The following RPAP1 variants were observed in gnomAD, a reference collection of about 807,000 sequenced individuals.
RPAP1 encodes RNA polymerase II-associated protein 1.
A neutral mutation model predicts 142.4 loss-of-function variants in RPAP1; 109 were observed. That is an observed-to-expected ratio of 0.77 (90% CI 0.66 to 0.90). The LOEUF (loss-of-function observed/expected upper bound fraction) is 0.90, where lower values mean the gene tolerates loss of function less well. RPAP1 is among the 40% of genes least tolerant of loss of function. RPAP1 has a pLI of 0.00. For synonymous variants in RPAP1, 704 were observed against 738.9 expected, an observed-to-expected ratio of 0.95 and a Z score of 0.77; for missense variants, 1,546 against 1,751.7, an observed-to-expected ratio of 0.88 and a Z score of 2.10.
rs2051843268 is a variant in RPAP1 at position 41,531,158 on chromosome 15, C to G, written c.808G>C (p.Glu270Gln). The G allele has an allele frequency of 3.1e-6, 5 of 1,613,758 alleles. No homozygotes were observed. The highest frequency in any genetic ancestry group is 1.7e-5 in the Admixed American group (1 of 60,008). The change falls in exon 7 of 25, where the codon GAG becomes CAG. Residue 270 changes from glutamate (E) to glutamine (Q), a missense_variant. Physicochemically the swap from Glu to Gln is conservative, Grantham distance 29. Coordinates refer to ENST00000304330, the MANE Select transcript of RPAP1 (RefSeq NM_015540.4). ...AFLRSHSHTQ[E>Q]QTGETASEEQ... ...TCAGAGGCTGTCTCTCCTGTTTGCT[C>G]TTGCGTGTGGCTGTGAGATCTCAAG... is the stretch of plus-strand genomic sequence containing the variant.
At chr15:41,524,034 C>T (rs2051762079) in intron 16 of RPAP1, 62 bp from the exon 17 acceptor site, 7 of 1,605,920 alleles carry the variant, frequency 4.4e-6, no homozygotes, top group Non-Finnish European at 4.3e-6. Context: ...CTTTACACTC[C>T]AGCCACCCCA....
At chr15:41,540,403 G>C (rs1221506280) in intron 1 of RPAP1, among the ~76,000 whole-genome samples, 1 of 151,408 alleles carries the variant, frequency 6.6e-6, no homozygotes, top group Non-Finnish European at 1.5e-5. Flanking sequence ...CCAGGTTCAA[G>C]CGATTCTCCT....
At position 41,520,232 on chromosome 15, in the gene RPAP1, C is replaced by T. The variant is rs2051709879; in HGVS notation, c.3795+159G>A. ...TACAGGCGTGAGCCACCACACCCAG[C>T]CCATGTTAAGCCCTTTTCATTGATT... On this transcript the variant is annotated intron_variant, in intron 22 of 24. Coordinates refer to ENST00000304330, the MANE Select transcript of RPAP1 (RefSeq NM_015540.4). 4 of 782,564 alleles carry T rather than the reference C, an allele frequency of 5.1e-6. No homozygotes were observed. The Admixed American group carries it at 1.0e-4, about 20-fold the overall frequency. 48.5% of individuals were successfully genotyped at this position (782,564 alleles called of 1,614,324 possible). A position where few individuals can be genotyped will look rare whatever the true frequency, so the allele number is the denominator to read the frequency against.
intron 6 of RPAP1, among the ~76,000 whole-genome samples, chr15:41,534,041 G>A (rs1354192184): frequency 3.3e-5 from 5 of 151,472 alleles, no homozygotes; most frequent in Non-Finnish European, 5.9e-5. Flanking sequence ...AGAATCATTT[G>A]AACCCAGGAG....
At chr15:41,522,635 C>G (rs889992835) in intron 19 of RPAP1, 130 bp downstream of exon 19, 1 of 786,336 alleles carries the variant, frequency 1.3e-6, no homozygotes, top group African/African-American at 1.8e-5. Context: ...GGTGATCTGC[C>G]CACCTCGGCC....
rs774318376 is a variant in RPAP1, at chr15:41,521,854, G to T, written c.2922C>A (p.Thr974=). The T allele has an allele frequency of 1.2e-5, 19 of 1,614,114 alleles. No individual in the cohort carries two copies. In the South Asian group the frequency reaches 2.0e-4, roughly 17 times the overall value. ...KAAALQPLPA[T]HAALYHGMAL... ...CCATACCATGATAGAGGGCAGCATG[G>T]GTGGCTGGCAGTGGCTGCAGCGCTG... Residue 974 remains threonine (T), a synonymous_variant, in exon 21 of 25, where the codon ACC becomes ACA. Coordinates refer to ENST00000304330, the MANE Select transcript of RPAP1 (RefSeq NM_015540.4).
intron 14 of RPAP1, among the ~76,000 whole-genome samples, chr15:41,526,489 G>A (rs2051791773): frequency 6.6e-6 from 1 of 151,926 alleles, no homozygotes; most frequent in South Asian, 2.1e-4. Flanking sequence ...TTGGCCCCAA[G>A]TGATCCTCCT....
At chr15:41,520,320 T>C in intron 22 of RPAP1, 71 bp downstream of exon 22, 2 of 1,561,490 alleles carry the variant, frequency 1.3e-6, no homozygotes, top group Non-Finnish European at 1.7e-6. Flanking sequence ...CCAAAGCTCC[T>C]CAAGGCTCAG....
In RPAP1 at chr15:41,520,864, G is replaced by C. The variant is rs7170898; in HGVS notation, c.3322C>G (p.Arg1108Gly). 4.6e-4 allele frequency: 743 copies of C among 1,613,874 alleles called. 1 individual carries two copies. The African/African-American group carries it at 7.4e-3, about 16-fold the overall frequency. Residue 1108 changes from arginine to glycine, a missense_variant, in exon 22 of 25, where the codon CGC becomes GGC. Around this residue, in one of 3 missense-constraint regions of RPAP1, gnomAD observed 1,333 missense variants for 1,486.6 expected, o/e 0.90. Coordinates refer to ENST00000304330, the MANE Select transcript of RPAP1 (RefSeq NM_015540.4). ...GTGTCTGAAGCCCGGTGGTAGAGGC[G>C]AATCAGTGGCAGGAAGGGCCAGTCG... ...PTDWPFLPLI[R>G]LYHRASDTPS... is the part of the protein sequence containing the mutation.
intron 1 of RPAP1, among the ~76,000 whole-genome samples, chr15:41,542,842 AACCAT>A (rs2051983011): frequency 6.6e-6 from 1 of 152,208 alleles, no homozygotes; most frequent in Admixed American, 6.5e-5. Context: ...AAGGGCAGAT[AACCAT>A]ATCTAATTGT....
Position 41,529,524 on chromosome 15 carries a change from A to G in RPAP1, c.1104T>C (p.Pro368=), listed in dbSNP as rs1331296852. 6.2e-7 allele frequency: 1 copy of G among 1,613,546 alleles called. No individual in the cohort carries two copies. Among genetic ancestry groups the G allele is most frequent in the Admixed American group, 1.7e-5 (1 of 59,984 alleles). ...CCAGGTGGGTGGGCAGGTCCACGTC[A>G]GGGGCCAGTAGTTCTCCCTGAAGAC... ...RFSLQGELLA[P]DVDLPTHLGL... is the part of the protein sequence containing the mutation. The change falls in exon 9 of 25, where the codon CCT becomes CCC. Residue 368 remains proline (P), a synonymous_variant. Transcript: ENST00000304330.
chr15:41,532,516 G>C (rs1039914790), intron 6 of RPAP1, among the ~76,000 whole-genome samples: 6 of 152,138 alleles, frequency 3.9e-5, no homozygotes, highest in South Asian at 4.1e-4. Flanking sequence ...TAACAAGATT[G>C]ACTGAGTGCC....
Position 41,525,116 on chromosome 15 carries a change from G to A in RPAP1, c.1950C>T (p.Cys650=). The change falls in exon 15 of 25, where the codon TGC becomes TGT. Residue 650 remains cysteine, a synonymous_variant. Transcript: ENST00000304330. ...CTTGGGGAGCCTCAGCTATGATGCG[G>A]CACAGGCGGCTCCGGAGATCAAAGC... ...LSSFDLRSRL[C]RIIAEAPQEL... is the part of the protein sequence containing the mutation. 6.2e-7 allele frequency: 1 copy of A among 1,613,078 alleles called. No homozygotes were observed. Among genetic ancestry groups the A allele is most frequent in the Non-Finnish European group, 8.5e-7 (1 of 1,179,590 alleles).
chr15:41,525,319 ATTTTATTATTTTACT>A, intron 14 of RPAP1, 171 bp from the exon 15 acceptor site: 1 of 359,168 alleles, frequency 2.8e-6, no homozygotes, highest in Non-Finnish European at 4.9e-6. Flanking sequence ...TAAAATTTCA[ATTTTATTATTTTACT>A]TTTTATTATT....
intron 1 of RPAP1, among the ~76,000 whole-genome samples, chr15:41,539,969 G>C (rs912370063): frequency 1.3e-5 from 2 of 152,026 alleles, no homozygotes; most frequent in African/African-American, 4.8e-5. Flanking sequence ...GGAGGCGGAG[G>C]CTGCAGTGAG....
At chr15:41,524,970 C>T in intron 15 of RPAP1, 21 bp downstream of exon 15, 1 of 1,610,452 alleles carries the variant, frequency 6.2e-7, no homozygotes, top group Non-Finnish European at 8.5e-7. Context: ...TAGGGGGAGC[C>T]TACCCCCTGC....
At chr15:41,534,625 C>G in intron 6 of RPAP1, 89 bp downstream of exon 6, 1 of 680,812 alleles carries the variant, frequency 1.5e-6, no homozygotes, top group Non-Finnish European at 2.5e-6. Flanking sequence ...AAGTACTCAG[C>G]ACAGTGCCCG....
At chr15:41,527,668 G>T in intron 11 of RPAP1, 63 bp from the exon 12 acceptor site, 1 of 1,523,020 alleles carries the variant, frequency 6.6e-7, no homozygotes, top group South Asian at 1.3e-5. Context: ...TCCAGGAGTA[G>T]AGAGGATGCT....
At chr15:41,531,485 C>G (rs1052608368) in intron 6 of RPAP1, among the ~76,000 whole-genome samples, 1 of 151,612 alleles carries the variant, frequency 6.6e-6, no homozygotes, top group Non-Finnish European at 1.5e-5. Flanking sequence ...GGTTTCAGGT[C>G]ACAGTTCCAA....
Sources: allele counts gnomAD v4.1 joint callset (sites outside exome capture counted in the v4.1 genomes callset), GRCh38; gene constraint gnomAD v4.1.1; regional missense constraint gnomAD v4.1.1; transcripts MANE v1.5; gene names NCBI Gene and HGNC (gene_info 2026-07-23, HGNC 2026-07-21).